Variants in XPNPEP2 observed in about 807,000 individuals in gnomAD.
The protein encoded by XPNPEP2 is X-prolyl aminopeptidase 2, also known as xaa-Pro aminopeptidase 2.
A neutral mutation model predicts 59.8 loss-of-function variants in XPNPEP2; 64 were observed. The observed-to-expected ratio is 1.07, with a 90% confidence interval of 0.87 to 1.32. The LOEUF is 1.32. XPNPEP2 is among the 40% of genes most tolerant of loss of function. The pLI, the probability that XPNPEP2 is intolerant of heterozygous loss-of-function variation, is 0.00. For missense variants in XPNPEP2, 575 were observed against 546.8 expected (o/e 1.05, Z -0.51); for synonymous variants, 235 against 210.0 (o/e 1.12, Z -1.03).
intron 8 of XPNPEP2, among the ~76,000 whole-genome samples, chrX:129,751,104 ACCCCCCCC>A (rs59658989): frequency 4.5e-5 from 2 of 44,898 alleles, no homozygotes; most frequent in Non-Finnish European, 8.9e-5. Flanking sequence ...CCACTCCCCC[ACCCCCCCC>A]CCCCGGCAAA....
intron 19 of XPNPEP2, among the ~76,000 whole-genome samples, chrX:129,764,671 AT>A (rs1225954112): frequency 3.0e-5 from 3 of 100,728 alleles, no homozygotes; most frequent in South Asian, 8.8e-4. Flanking sequence ...AAAAAAAAAA[AT>A]ACAAATCAGG....
At chrX:129,759,394 C>A (rs1025984194) in intron 15 of XPNPEP2, among the ~76,000 whole-genome samples, 154 bp downstream of exon 15, 3 of 112,753 alleles carry the variant, frequency 2.7e-5, no homozygotes, top group Admixed American at 9.3e-5. Context: ...ACCCAGTGCT[C>A]CCTGCTGCTT....
At chrX:129,740,210 G>T (rs764814221) in intron 1 of XPNPEP2, among the ~76,000 whole-genome samples, 68 of 113,056 alleles carry the variant, frequency 6.0e-4, no homozygotes, top group African/African-American at 2.1e-3. Context: ...ATGGGTGTTT[G>T]TTTTCTTAAA....
At chrX:129,751,236 G>T (rs922289197) in intron 8 of XPNPEP2, among the ~76,000 whole-genome samples, 1 of 108,730 alleles carries the variant, frequency 9.2e-6, no homozygotes, top group Non-Finnish European at 1.9e-5. Context: ...GGCCGGGTGC[G>T]GTGACTCACG....
At chrX:129,742,059 G>T (rs751604299) in intron 1 of XPNPEP2, 49 bp from the exon 2 acceptor site, 2 of 1,151,597 alleles carry the variant, frequency 1.7e-6, no homozygotes, top group Admixed American at 4.4e-5. Context: ...TCCCTCTCTA[G>T]GAACTAGCTG....
Position 129,762,693 on chromosome X carries a change from G to C in XPNPEP2, c.1664-1G>C, listed in dbSNP as rs747234922. ...GCCACCAGCATCTCTGTGTCTCCCA[G>C]AACCTGGTTACTATAAGGATGGAGA... On this transcript the variant is annotated splice_acceptor_variant, in intron 18 of 20. Transcript: ENST00000371106. LOFTEE classifies it high-confidence loss of function. 2.1e-5 allele frequency: 25 copies of C among 1,209,876 alleles called. No individual in the cohort carries two copies. The highest frequency in any genetic ancestry group is 2.8e-5 in the Non-Finnish European group (25 of 894,842).
intron 6 of XPNPEP2, 64 bp downstream of exon 6, chrX:129,746,745 A>C (rs751785663): frequency 6.3e-5 from 64 of 1,012,446 alleles, no homozygotes; most frequent in Non-Finnish European, 8.4e-5. Context: ...CTTCCCTAGG[A>C]TATAAAGAAA....
intron 10 of XPNPEP2, 33 bp downstream of exon 10, chrX:129,752,378 A>G (rs1926437585): frequency 8.4e-7 from 1 of 1,185,576 alleles, no homozygotes; most frequent in African/African-American, 1.8e-5. Flanking sequence ...CAAGCCAGGC[A>G]CCAATCCCCA....
At chrX:129,746,522 C>T in intron 5 of XPNPEP2, 73 bp from the exon 6 acceptor site, 1 of 1,057,459 alleles carries the variant, frequency 9.5e-7, no homozygotes, top group South Asian at 1.9e-5. Flanking sequence ...GACCATCAGA[C>T]AGAACCCCTG....
At chrX:129,743,820 C>G (rs1236064052) in intron 2 of XPNPEP2, 141 bp from the exon 3 acceptor site, 4 of 527,098 alleles carry the variant, frequency 7.6e-6, no homozygotes, top group African/African-American at 2.3e-5. Context: ...CTTCCCAAGC[C>G]AGGCCAGCCT....
rs770838921 is a variant in XPNPEP2, at chrX:129,752,217, C to T, written c.889C>T (p.Pro297Ser). The T allele has an allele frequency of 1.7e-6, 2 of 1,211,758 alleles. No individual in the cohort carries two copies. The highest frequency in any genetic ancestry group is 1.7e-5 in the African/African-American group (1 of 57,760). The change falls in exon 10 of 21, where the codon CCC becomes TCC. Residue 297 changes from proline (P) to serine (S), a missense_variant. By Grantham distance (74) the Pro-to-Ser change is moderately conservative. Transcript: ENST00000371106. ...CTATCTGAACTCCAGTTGCACAGGC[C>T]CCATGTGTGTGCAAATCGAGGATTA... ...LSYLNSSCTGPMCVQIEDYSQ... is the reference protein window; with the variant it reads ...LSYLNSSCTGSMCVQIEDYSQ...
rs769753650 is a variant in XPNPEP2, at chrX:129,768,441, G to A, written c.1981G>A (p.Val661Met). 8.3e-7 allele frequency: 1 copy of A among 1,200,505 alleles called. No homozygotes were observed. Among genetic ancestry groups the A allele is most frequent in the South Asian group, 1.8e-5 (1 of 54,900 alleles). The change falls in exon 21 of 21, where the codon GTG becomes ATG. Residue 661 changes from valine (V) to methionine (M), a missense_variant. By Grantham distance (21) the Val-to-Met change is conservative. Transcript: ENST00000371106. ...RAPDTASWAS[V>M]LVVSTLAILG... ...CCCAGACACCGCCTCCTGGGCCTCT[G>A]TGTTAGTGGTCTCCACCCTTGCCAT... is the stretch of plus-strand genomic sequence containing the variant.
chrX:129,746,765 G>A (rs1319689157), intron 6 of XPNPEP2, 84 bp downstream of exon 6: 1 of 873,968 alleles, frequency 1.1e-6, no homozygotes, highest in Non-Finnish European at 1.7e-6. Flanking sequence ...ATGGACCTTG[G>A]TAGAAGGAGG....
intron 15 of XPNPEP2, among the ~76,000 whole-genome samples, chrX:129,759,854 T>C (rs991535588): frequency 1.8e-5 from 2 of 112,428 alleles, no homozygotes; most frequent in Non-Finnish European, 3.8e-5. Context: ...CCTGTGAACC[T>C]GTGTGGTGAT....
chrX:129,768,155 G>T, intron 20 of XPNPEP2, 136 bp from the exon 21 acceptor site: 1 of 564,463 alleles, frequency 1.8e-6, no homozygotes, highest in Non-Finnish European at 2.7e-6. Context: ...CCTGAAGCCT[G>T]ATGATGGTGG....
At position 129,744,043 on chromosome X, in the gene XPNPEP2, A is replaced by T. The variant is rs1234838497; in HGVS notation, c.206A>T (p.Tyr69Phe). 1.1e-5 allele frequency: 13 copies of T among 1,211,364 alleles called. No homozygotes were observed. The highest frequency in any genetic ancestry group is 1.5e-5 in the Non-Finnish European group (13 of 895,211). ...QQMQTQNLSA[Y>F]IIPGTDAHMN... is the part of the protein sequence containing the mutation. ...ATGCAGACCCAGAATCTCTCAGCCTACATCATCCCAGGCACAGATGCTCAC... is the reference window on the plus strand; with the variant it reads ...ATGCAGACCCAGAATCTCTCAGCCTTCATCATCCCAGGCACAGATGCTCAC... The change falls in exon 3 of 21, where the codon TAC (tyrosine) becomes TTC (phenylalanine). Residue 69 changes from tyrosine to phenylalanine, a missense_variant. By Grantham distance (22) the Tyr-to-Phe change is conservative. Coordinates refer to ENST00000371106, the MANE Select transcript of XPNPEP2 (RefSeq NM_003399.6).
At chrX:129,764,537 C>G (rs1926711698) in intron 19 of XPNPEP2, among the ~76,000 whole-genome samples, 1 of 109,023 alleles carries the variant, frequency 9.2e-6, no homozygotes, top group Admixed American at 9.8e-5. Flanking sequence ...TGCCTGTAAT[C>G]CCAGCTACTC....
intron 3 of XPNPEP2, among the ~76,000 whole-genome samples, chrX:129,744,563 C>G (rs1926259362): frequency 8.9e-6 from 1 of 111,988 alleles, no homozygotes; most frequent in South Asian, 3.7e-4. Context: ...ACCCTCCACA[C>G]CATCCACCTT....
chrX:129,739,450 T>C (rs986890715), intron 1 of XPNPEP2, among the ~76,000 whole-genome samples, 188 bp downstream of exon 1: 3 of 111,714 alleles, frequency 2.7e-5, no homozygotes, highest in Admixed American at 9.5e-5. Context: ...GTTTGGCACC[T>C]TTCCATTCCC....
Sources: allele counts gnomAD v4.1 joint callset (sites outside exome capture counted in the v4.1 genomes callset), GRCh38; gene constraint gnomAD v4.1.1; transcripts MANE v1.5; gene names NCBI Gene and HGNC (gene_info 2026-07-23, HGNC 2026-07-21).